TBC1D22A: variants seen among roughly 807,000 people sequenced by gnomAD.
The protein encoded by TBC1D22A is putative GTPase activator.
Under a neutral mutation model 60.2 loss-of-function variants are expected in TBC1D22A, and 38 were observed. The ratio of observed to expected loss-of-function variants is 0.63; its 90% confidence interval spans 0.49 to 0.83. The LOEUF is 0.83. Ranked by LOEUF, TBC1D22A falls within the 40% of genes least tolerant of loss-of-function variation. The probability of loss-of-function intolerance (pLI) is 0.00; values close to 1 mark genes in which losing one functional copy is unlikely to be tolerated. For synonymous variants in TBC1D22A, 302 were observed against 281.7 expected (o/e 1.07, Z -0.72); for missense variants, 628 against 701.0 (o/e 0.90, Z 1.18).
intron 1 of TBC1D22A, among the ~76,000 whole-genome samples, chr22:46,781,624 G>A (rs2083940833): frequency 6.6e-6 from 1 of 152,178 alleles, no homozygotes; most frequent in Admixed American, 6.5e-5. Context: ...GCTGTTTTTG[G>A]GGAGGGCATG....
intron 4 of TBC1D22A, among the ~76,000 whole-genome samples, chr22:46,821,327 G>A (rs185554760): frequency 5.9e-5 from 9 of 152,270 alleles, no homozygotes; most frequent in Middle Eastern, 3.4e-3. Context: ...TTGCTTCATA[G>A]TGTCATTGGT....
intron 7 of TBC1D22A, among the ~76,000 whole-genome samples, chr22:46,903,906 G>A (rs1280723553): frequency 2.1e-4 from 32 of 152,168 alleles, no homozygotes; most frequent in Admixed American, 2.1e-3. Flanking sequence ...AGCTTGCTGG[G>A]CTGCTGCCGA....
chr22:46,855,331 T>G (rs1284096331), intron 4 of TBC1D22A, among the ~76,000 whole-genome samples: 1 of 152,256 alleles, frequency 6.6e-6, no homozygotes. Context: ...CCCATCTCAC[T>G]AGACAGGTGG....
intron 12 of TBC1D22A, among the ~76,000 whole-genome samples, chr22:47,147,754 G>A (rs1360211855): frequency 6.6e-6 from 1 of 152,260 alleles, no homozygotes; most frequent in Non-Finnish European, 1.5e-5. Flanking sequence ...GTCCAGCAGT[G>A]AGCACAGGTG....
At chr22:47,062,943 T>A (rs984613521) in intron 11 of TBC1D22A, among the ~76,000 whole-genome samples, 1 of 151,700 alleles carries the variant, frequency 6.6e-6, no homozygotes, top group African/African-American at 2.4e-5. Flanking sequence ...TGGTACTGCA[T>A]CTGGGAAAAA....
intron 11 of TBC1D22A, among the ~76,000 whole-genome samples, chr22:47,075,035 A>G (rs13057064): frequency 0.24 from 36,320 of 152,012 alleles, 5,428 homozygotes; most frequent in East Asian, 0.57. Flanking sequence ...CATCCTGGCT[A>G]GCACAGTGAA....
chr22:46,807,575 C>T (rs1490420320), intron 4 of TBC1D22A, among the ~76,000 whole-genome samples: 1 of 152,208 alleles, frequency 6.6e-6, no homozygotes, highest in Admixed American at 6.5e-5. Flanking sequence ...CAGTGTTTAT[C>T]CAGCCTTCCC....
At chr22:46,841,051 T>TGG (rs1435764896) in intron 4 of TBC1D22A, among the ~76,000 whole-genome samples, 349 of 147,362 alleles carry the variant, frequency 2.4e-3, no homozygotes, top group African/African-American at 8.3e-3. Flanking sequence ...AAAATGGGTG[T>TGG]GTGTGTGTGT....
intron 5 of TBC1D22A, among the ~76,000 whole-genome samples, chr22:46,882,579 T>A (rs1460968532): frequency 6.6e-6 from 1 of 151,978 alleles, no homozygotes; most frequent in Non-Finnish European, 1.5e-5. Flanking sequence ...GCCTGGGGCG[T>A]TGGAGGGCCT....
At chr22:46,890,498 T>A (rs181961914) in intron 5 of TBC1D22A, among the ~76,000 whole-genome samples, 1 of 152,312 alleles carries the variant, frequency 6.6e-6, no homozygotes, top group Non-Finnish European at 1.5e-5. Context: ...GTGCATAAGT[T>A]ACATGCAAAC....
chr22:46,864,133 A>G (rs1040892229), intron 4 of TBC1D22A, among the ~76,000 whole-genome samples: 2 of 152,236 alleles, frequency 1.3e-5, no homozygotes, highest in Non-Finnish European at 2.9e-5. Context: ...GCTGCCTGAA[A>G]TTACACATAC....
At chr22:47,128,757 C>G (rs774356805) in intron 12 of TBC1D22A, among the ~76,000 whole-genome samples, 6 of 152,124 alleles carry the variant, frequency 3.9e-5, no homozygotes, top group Non-Finnish European at 8.8e-5. Flanking sequence ...GGCTAAGCCA[C>G]GGACAGTCAC....
At chr22:46,866,607 T>G (rs1307803261) in intron 4 of TBC1D22A, among the ~76,000 whole-genome samples, 1 of 152,272 alleles carries the variant, frequency 6.6e-6, no homozygotes, top group Non-Finnish European at 1.5e-5. Flanking sequence ...AGGTTTGTGC[T>G]GATCATGAAG....
At chr22:46,893,453 T>C (rs113195777) in intron 6 of TBC1D22A, among the ~76,000 whole-genome samples, 2,222 of 152,280 alleles carry the variant, frequency 0.015, 57 homozygotes, top group African/African-American at 0.05. Flanking sequence ...TGGCAGGGGT[T>C]GGGTCTGGTG....
rs147301887 is a variant in TBC1D22A at position 46,888,852 on chromosome 22, T to C, written c.709-2414T>C. On this transcript the variant is annotated intron_variant, in intron 5 of 12. Transcript: ENST00000337137. ...TCCTGAGTAGTTGGGATTACAGGCA[T>C]GTGCCGCCACATCTGGCTAATTTTT... is the stretch of plus-strand genomic sequence containing the variant. Among the ~76,000 whole-genome samples, 459 of 152,264 alleles carry C rather than the reference T, an allele frequency of 3.0e-3. 2 individuals are homozygous for C. The highest frequency in any genetic ancestry group is 0.01 in the African/African-American group (432 of 41,552).
chr22:47,033,102 G>A (rs192415494), intron 10 of TBC1D22A, among the ~76,000 whole-genome samples: 4 of 152,344 alleles, frequency 2.6e-5, no homozygotes, highest in Non-Finnish European at 4.4e-5. Context: ...TAAACAGCTG[G>A]TTTTAAGTGT....
rs545996241 is a variant in TBC1D22A, at chr22:46,970,985, G to T, written c.1016-3305G>T. Reference sequence around the variant, plus strand: ...CACAGCCTGGAGTCCAGAGTGCCCTGTGCCACTCTGTGTGCCTTTGCCAAA... The same window carrying T: ...CACAGCCTGGAGTCCAGAGTGCCCTTTGCCACTCTGTGTGCCTTTGCCAAA... On this transcript the variant is annotated intron_variant, in intron 8 of 12. Transcript: ENST00000337137. Among the ~76,000 whole-genome samples, 5 of 152,154 alleles carry T rather than the reference G, an allele frequency of 3.3e-5. No individual in the cohort carries two copies. In the South Asian group the frequency reaches 1.0e-3, roughly 32 times the overall value.
chr22:47,142,380 C>T (rs1320243594), intron 12 of TBC1D22A, among the ~76,000 whole-genome samples: 6 of 121,628 alleles, frequency 4.9e-5, no homozygotes, highest in South Asian at 3.3e-4. Context: ...TCCATCCATC[C>T]GCCCACCCAT....
At chr22:47,072,769 G>A (rs906434706) in intron 11 of TBC1D22A, among the ~76,000 whole-genome samples, 2 of 152,276 alleles carry the variant, frequency 1.3e-5, no homozygotes, top group Non-Finnish European at 2.9e-5. Flanking sequence ...CCAGGCCTGT[G>A]TGTGGGTGGA....
Sources: allele counts gnomAD v4.1 joint callset (sites outside exome capture counted in the v4.1 genomes callset), GRCh38; gene constraint gnomAD v4.1.1; transcripts MANE v1.5; gene names NCBI Gene and HGNC (gene_info 2026-07-23, HGNC 2026-07-21).